CDC42SE2: variants seen among roughly 807,000 people sequenced by gnomAD.
The protein encoded by CDC42SE2 is CDC42 small effector protein 2.
Under a neutral mutation model 11.5 loss-of-function variants are expected in CDC42SE2, and 3 were observed. That is an observed-to-expected ratio of 0.26 (90% CI 0.12 to 0.67). The LOEUF (loss-of-function observed/expected upper bound fraction) is 0.67. Among genes scored for constraint, CDC42SE2 ranks in the 30% least tolerant of loss-of-function variants. The probability of loss-of-function intolerance (pLI) is 0.80; values close to 1 mark genes in which losing one functional copy is unlikely to be tolerated. For missense variants in CDC42SE2, 82 were observed against 106.8 expected (o/e 0.77, Z 1.02); for synonymous variants, 33 against 34.8 (o/e 0.95, Z 0.18).
intron 2 of CDC42SE2, among the ~76,000 whole-genome samples, chr5:131,336,975 G>T (rs952035441): frequency 6.6e-6 from 1 of 152,186 alleles, no homozygotes. Context: ...CAGCTCGTCA[G>T]TCATTCTCTG....
At chr5:131,345,895 A>C (rs1184097633) in intron 2 of CDC42SE2, among the ~76,000 whole-genome samples, 1 of 152,198 alleles carries the variant, frequency 6.6e-6, no homozygotes. Flanking sequence ...TATCCAGCCA[A>C]ACTAAGCTTC....
intron 2 of CDC42SE2, among the ~76,000 whole-genome samples, chr5:131,330,852 A>C (rs1184870028): frequency 8.0e-6 from 1 of 125,000 alleles, no homozygotes; most frequent in Non-Finnish European, 1.6e-5. Context: ...CTGCCTTTAC[A>C]AAAAAAAAAA....
intron 1 of CDC42SE2, among the ~76,000 whole-genome samples, chr5:131,293,948 A>G (rs1019589480): frequency 2.0e-5 from 3 of 152,080 alleles, no homozygotes; most frequent in African/African-American, 7.2e-5. Flanking sequence ...TTCGATATGT[A>G]TTGGCTGCTT....
chr5:131,287,767 TC>T lies in CDC42SE2; in HGVS notation c.-455+23603del, dbSNP rs1018733961. Reference sequence around the variant, plus strand: ...GGAATTACAGGTGTGAAGCACCATATCCTACCGAAATTTTCTTTGTAGTGTG... The same window carrying T: ...GGAATTACAGGTGTGAAGCACCATATCTACCGAAATTTTCTTTGTAGTGTG... On this transcript the variant is annotated intron_variant, in intron 1 of 4. Transcript: ENST00000505065. 4.6e-5 allele frequency among the ~76,000 whole-genome samples: 7 copies of T among 152,266 alleles called. No homozygotes were observed. The East Asian group carries it at 1.4e-3, about 29-fold the overall frequency.
At chr5:131,287,397 C>T (rs1377249931) in intron 1 of CDC42SE2, among the ~76,000 whole-genome samples, 1 of 151,812 alleles carries the variant, frequency 6.6e-6, no homozygotes. Context: ...CATTGATGTT[C>T]TATTTTCATA....
intron 2 of CDC42SE2, among the ~76,000 whole-genome samples, chr5:131,350,018 A>G (rs1758964220): frequency 6.6e-6 from 1 of 152,096 alleles, no homozygotes; most frequent in South Asian, 2.1e-4. Flanking sequence ...TATTTGTAGA[A>G]TATCCTGATT....
chr5:131,375,555 G>A (rs1053633854), intron 3 of CDC42SE2, among the ~76,000 whole-genome samples: 3 of 152,092 alleles, frequency 2.0e-5, no homozygotes, highest in African/African-American at 4.8e-5. Flanking sequence ...CCTTATATAA[G>A]CTCTGTCACC....
intron 2 of CDC42SE2, among the ~76,000 whole-genome samples, chr5:131,320,177 G>C (rs944895200): frequency 2.1e-4 from 32 of 151,780 alleles, no homozygotes; most frequent in Admixed American, 2.1e-3. Context: ...TTGAGGTTAG[G>C]GGTTTGAGAC....
chr5:131,380,530 A>G (rs147745048), intron 3 of CDC42SE2, among the ~76,000 whole-genome samples: 1 of 152,330 alleles, frequency 6.6e-6, no homozygotes, highest in African/African-American at 2.4e-5. Flanking sequence ...GCATTTTTAT[A>G]GTTTAGAATA....
At chr5:131,285,149 G>A (rs1020492169) in intron 1 of CDC42SE2, among the ~76,000 whole-genome samples, 18 of 152,010 alleles carry the variant, frequency 1.2e-4, no homozygotes, top group African/African-American at 4.1e-4. Context: ...TGCCTGGTGA[G>A]GTGGTATACA....
At chr5:131,338,196 T>C (rs1370753275) in intron 2 of CDC42SE2, among the ~76,000 whole-genome samples, 1 of 152,202 alleles carries the variant, frequency 6.6e-6, no homozygotes, top group Non-Finnish European at 1.5e-5. Flanking sequence ...ACCACAGTTA[T>C]TTTTGTACTG....
At chr5:131,214,508 A>G in the CDC42SE2 span, among the ~76,000 whole-genome samples, 1 of 151,970 alleles carries the variant, frequency 6.6e-6, no homozygotes, top group African/African-American at 2.4e-5. Flanking sequence ...TTCCCCTCTT[A>G]TCTTTTACTC....
chr5:131,298,064 G>A (rs938728240), intron 1 of CDC42SE2, among the ~76,000 whole-genome samples: 1 of 151,784 alleles, frequency 6.6e-6, no homozygotes, highest in African/African-American at 2.4e-5. Context: ...GTTAGAGTGG[G>A]TTAGAGTAAT....
chr5:131,285,076 C>T (rs1757313402), intron 1 of CDC42SE2, among the ~76,000 whole-genome samples: 1 of 151,556 alleles, frequency 6.6e-6, no homozygotes, highest in Non-Finnish European at 1.5e-5. Flanking sequence ...TTGCTTGAGC[C>T]CTGGAGTTTG....
intron 2 of CDC42SE2, among the ~76,000 whole-genome samples, chr5:131,328,726 G>A (rs1356437583): frequency 6.6e-6 from 1 of 152,020 alleles, no homozygotes; most frequent in Non-Finnish European, 1.5e-5. Flanking sequence ...GTGTCTATTT[G>A]TCTGTGTCCC....
At chr5:131,287,308 A>G (rs886454111) in intron 1 of CDC42SE2, among the ~76,000 whole-genome samples, 4 of 151,976 alleles carry the variant, frequency 2.6e-5, no homozygotes, top group African/African-American at 9.7e-5. Flanking sequence ...GGTCAGCTGT[A>G]TTTTAAAGGT....
intron 2 of CDC42SE2, among the ~76,000 whole-genome samples, chr5:131,345,051 TA>T (rs1758805771): frequency 6.6e-6 from 1 of 152,120 alleles, no homozygotes; most frequent in Admixed American, 6.5e-5. Flanking sequence ...GGGGAGAAAC[TA>T]GAGCAGAAAA....
At chr5:131,330,079 G>T (rs1286181967) in intron 2 of CDC42SE2, among the ~76,000 whole-genome samples, 1 of 151,892 alleles carries the variant, frequency 6.6e-6, no homozygotes, top group African/African-American at 2.4e-5. Context: ...ATCAGCTAAT[G>T]GTATTCAGCT....
Position 131,270,632 on chromosome 5 carries a change from T to G in CDC42SE2, c.-455+6466T>G, listed in dbSNP as rs139968623. ...TTCAAAACTCTCCCTGTAGACTAAG[T>G]CTTTCTCTGCTTCTAGATGAGCTTT... On this transcript the variant is annotated intron_variant, in intron 1 of 4. Coordinates refer to ENST00000505065, the MANE Select transcript of CDC42SE2 (RefSeq NM_001375635.1). 5.9e-5 allele frequency among the ~76,000 whole-genome samples: 9 copies of G among 152,346 alleles called. No individual in the cohort carries two copies. The East Asian group carries it at 1.7e-3, about 29-fold the overall frequency.
Sources: gnomAD v4.1 joint callset for allele counts (sites outside exome capture counted in the v4.1 genomes callset) on GRCh38, gnomAD v4.1.1 for gene constraint, MANE v1.5 for transcripts, NCBI Gene and HGNC (gene_info 2026-07-23, HGNC 2026-07-21) for gene names.